ITPR1: variants seen among roughly 807,000 people sequenced by gnomAD.
ITPR1 encodes inositol 1,4,5-trisphosphate-gated calcium channel ITPR1.
In ITPR1, 96 loss-of-function variants were observed where a neutral mutation model predicts 318.4. The ratio of observed to expected loss-of-function variants is 0.30; its 90% CI spans 0.26 to 0.36. The LOEUF (loss-of-function observed/expected upper bound fraction) is 0.36. ITPR1 is among the 10% of genes least tolerant of loss of function. The pLI, the probability that ITPR1 is intolerant of heterozygous loss-of-function variation, is 1.00. For synonymous variants in ITPR1, 1,312 were observed against 1,289.9 expected (o/e 1.02, Z -0.37); for missense variants, 2,440 against 3,460.2 (o/e 0.71, Z 7.40).
chr3:4,525,083 AT>A lies in ITPR1; in HGVS notation c.163+3999del, dbSNP rs527372523. Among the ~76,000 whole-genome samples, 871 of 148,926 alleles carry A rather than the reference AT, an allele frequency of 5.8e-3. 6 individuals carry two copies. Among genetic ancestry groups the A allele is most frequent in the African/African-American group, 0.014 (584 of 40,708 alleles). ...TTTATGAGAATAATTATATATTGTT[AT>A]TTTTTTTTTGTCTTCAAATTGTTTG... On this transcript the variant is annotated intron_variant, in intron 4 of 61. Transcript: ENST00000649015.
At chr3:4,678,625 C>T (rs758314414) in intron 24 of ITPR1, among the ~76,000 whole-genome samples, 3 of 152,156 alleles carry the variant, frequency 2.0e-5, no homozygotes, top group African/African-American at 4.8e-5. Flanking sequence ...ATAAAACCAC[C>T]AGAAAGTTCT....
intron 2 of ITPR1, among the ~76,000 whole-genome samples, chr3:4,494,852 A>G (rs546841195): frequency 1.3e-3 from 202 of 152,364 alleles, no homozygotes; most frequent in Non-Finnish European, 1.7e-3. Flanking sequence ...ATATGCCAAA[A>G]TGTGTAAGCA....
intron 4 of ITPR1, among the ~76,000 whole-genome samples, chr3:4,598,757 A>G (rs1447023181): frequency 6.6e-6 from 1 of 152,234 alleles, no homozygotes; most frequent in Non-Finnish European, 1.5e-5. Flanking sequence ...GTCCCAATGT[A>G]GTTTTCCAAA....
chr3:4,832,955 T>G (rs924995406), intron 60 of ITPR1, among the ~76,000 whole-genome samples: 2 of 152,194 alleles, frequency 1.3e-5, no homozygotes, highest in African/African-American at 4.8e-5. Context: ...ACACTCACCC[T>G]TGGAGGTAGG....
chr3:4,607,725 C>T lies in ITPR1; in HGVS notation c.164-20038C>T, dbSNP rs1280422247. ...GGGTGTGGGTAATGGTCCTCTGGTG[C>T]GCTGAGTTGCTTCTGGGTTGGGCCA... On this transcript the variant is annotated intron_variant, in intron 4 of 61. Coordinates refer to ENST00000649015, the MANE Select transcript of ITPR1 (RefSeq NM_001378452.1). 2.0e-5 allele frequency among the ~76,000 whole-genome samples: 3 copies of T among 152,062 alleles called. 1 individual carries two copies. Among genetic ancestry groups the T allele is most frequent in the South Asian group, 4.2e-4 (2 of 4,816 alleles).
intron 4 of ITPR1, among the ~76,000 whole-genome samples, chr3:4,625,996 C>G (rs1189518526): frequency 6.6e-6 from 1 of 152,074 alleles, no homozygotes; most frequent in Non-Finnish European, 1.5e-5. Context: ...ATATCCCTGT[C>G]AGAAAAATCT....
intron 30 of ITPR1, among the ~76,000 whole-genome samples, chr3:4,687,563 A>G (rs1263922973): frequency 6.6e-6 from 1 of 152,208 alleles, no homozygotes; most frequent in African/African-American, 2.4e-5. Flanking sequence ...GGCTGTGAAG[A>G]CTTAGGAAGA....
intron 4 of ITPR1, among the ~76,000 whole-genome samples, chr3:4,611,407 G>A (rs1248526106): frequency 2.0e-5 from 3 of 151,332 alleles, no homozygotes; most frequent in Non-Finnish European, 4.4e-5. Context: ...TAAAATTAGA[G>A]AATTTAGCTG....
At chr3:4,824,732 T>C (rs3792512) in intron 60 of ITPR1, among the ~76,000 whole-genome samples, 31,084 of 151,892 alleles carry the variant, frequency 0.2, 3,280 homozygotes, top group Admixed American at 0.25. Context: ...CATGCATAAA[T>C]CAGTAAGACA....
At position 4,766,605 on chromosome 3, in the gene ITPR1, G is replaced by A. The variant is rs1411687143; in HGVS notation, c.5620G>A (p.Val1874Met). ...FFKVFYDRMK[V>M]AQQEIKATVT... Reference sequence around the variant, plus strand: ...TAAGGTGTTTTATGACCGGATGAAGGTGGCCCAGCAAGAAATCAAAGCAAC... The same window carrying A: ...TAAGGTGTTTTATGACCGGATGAAGATGGCCCAGCAAGAAATCAAAGCAAC... Residue 1874 changes from valine (V) to methionine (M), a missense_variant, in exon 45 of 62, where the codon GTG becomes ATG. Physicochemically the swap from Val to Met is conservative, Grantham distance 21. Around this residue, in one of 23 missense-constraint regions of ITPR1, gnomAD observed 80 missense variants for 122.0 expected, o/e 0.66. Coordinates refer to ENST00000649015, the MANE Select transcript of ITPR1 (RefSeq NM_001378452.1). 1.2e-6 allele frequency: 2 copies of A among 1,613,794 alleles called. No homozygotes were observed. The highest frequency in any genetic ancestry group is 1.7e-6 in the Non-Finnish European group (2 of 1,179,736).
At chr3:4,624,533 G>C (rs1169239593) in intron 4 of ITPR1, among the ~76,000 whole-genome samples, 1 of 152,026 alleles carries the variant, frequency 6.6e-6, no homozygotes, top group African/African-American at 2.4e-5. Context: ...GCTGGGCATG[G>C]TGGTGAGCAC....
rs114996812 is a variant in ITPR1 at position 4,651,739 on chromosome 3, G to A, written c.856-384G>A. 6.1e-3 allele frequency among the ~76,000 whole-genome samples: 928 copies of A among 152,340 alleles called. 9 individuals are homozygous for A. The highest frequency in any genetic ancestry group is 0.021 in the African/African-American group (873 of 41,580). ...TTCACATTTCAGAGCACAGGCCTGC[G>A]TGTGTGTTCTAGCACATGAGTACAT... On this transcript the variant is annotated intron_variant, in intron 10 of 61. Transcript: ENST00000649015.
At chr3:4,627,389 A>G (rs1005918195) in intron 4 of ITPR1, among the ~76,000 whole-genome samples, 2 of 152,146 alleles carry the variant, frequency 1.3e-5, no homozygotes, top group African/African-American at 4.8e-5. Context: ...ACTGGAACCC[A>G]GGAGGCGGAG....
chr3:4,540,091 C>T (rs1035365484), intron 4 of ITPR1, among the ~76,000 whole-genome samples: 9 of 151,170 alleles, frequency 6.0e-5, no homozygotes, highest in African/African-American at 2.2e-4. Flanking sequence ...GCAATTTTGC[C>T]TTGTAGTTTT....
intron 44 of ITPR1, 107 bp downstream of exon 44, chr3:4,735,461 C>G (rs1225442238): frequency 1.1e-6 from 1 of 913,648 alleles, no homozygotes; most frequent in Admixed American, 2.1e-5. Context: ...TGAGAGACAG[C>G]TCATTCTGAG....
rs184852558 is a variant in ITPR1 at position 4,797,310 on chromosome 3, T to C, written c.6931+2123T>C. Among the ~76,000 whole-genome samples, 484 of 152,276 alleles carry C rather than the reference T, an allele frequency of 3.2e-3. 1 individual carries two copies. The highest frequency in any genetic ancestry group is 5.7e-3 in the Admixed American group (87 of 15,288). On this transcript the variant is annotated intron_variant, in intron 53 of 61. Transcript: ENST00000649015. Reference sequence around the variant, plus strand: ...AACCATCCTCAGTAGAAGAGTTGTATTAACCCTGCCTAGAAACAAGATCTG... The same window carrying C: ...AACCATCCTCAGTAGAAGAGTTGTACTAACCCTGCCTAGAAACAAGATCTG...
chr3:4,817,982 T>C, intron 59 of ITPR1, 100 bp from the exon 60 acceptor site: 2 of 931,410 alleles, frequency 2.1e-6, no homozygotes, highest in East Asian at 2.7e-5. Context: ...AAGACAGGAG[T>C]GAAACCACAG....
At chr3:4,527,006 A>G (rs1230162520) in intron 4 of ITPR1, among the ~76,000 whole-genome samples, 3 of 152,216 alleles carry the variant, frequency 2.0e-5, no homozygotes, top group Non-Finnish European at 4.4e-5. Flanking sequence ...AAAGTAAATG[A>G]GGATGCTTTT....
intron 44 of ITPR1, among the ~76,000 whole-genome samples, chr3:4,754,294 A>G (rs1422956870): frequency 6.6e-6 from 1 of 152,140 alleles, no homozygotes; most frequent in Non-Finnish European, 1.5e-5. Context: ...AACAGCACCC[A>G]AGTCACTGCC....
Sources: gnomAD v4.1 joint callset for allele counts (sites outside exome capture counted in the v4.1 genomes callset) on GRCh38, gnomAD v4.1.1 for gene constraint, gnomAD v4.1.1 regional missense constraint, MANE v1.5 for transcripts, NCBI Gene and HGNC (gene_info 2026-07-23, HGNC 2026-07-21) for gene names.